Variants in USP24 observed in about 807,000 individuals in gnomAD.
USP24 encodes ubiquitin carboxyl-terminal hydrolase 24.
Under a neutral mutation model 361.6 loss-of-function variants are expected in USP24, and 97 were observed. The ratio of observed to expected loss-of-function variants is 0.27; its 90% CI spans 0.23 to 0.32. The LOEUF (loss-of-function observed/expected upper bound fraction) is 0.32. USP24 is among the 10% of genes least tolerant of loss of function. The probability of loss-of-function intolerance (pLI) is 1.00; values close to 1 mark genes in which losing one functional copy is unlikely to be tolerated. For missense variants in USP24, 2,353 were observed against 3,165.6 expected, an observed-to-expected ratio of 0.74 and a Z score of 6.16; for synonymous variants, 1,098 against 1,124.6, an observed-to-expected ratio of 0.98 and a Z score of 0.47.
At chr1:55,073,036 T>C in intron 64 of USP24, 175 bp from the exon 65 acceptor site, 1 of 613,540 alleles carries the variant, frequency 1.6e-6, no homozygotes, top group Non-Finnish European at 2.8e-6. Flanking sequence ...TACAATTGCT[T>C]CCCCCAGGGG....
rs2100389609 is a variant in USP24, at chr1:55,072,829, T to G, written c.7559A>C (p.Asn2520Thr). Residue 2520 changes from asparagine (N) to threonine (T), a missense_variant, in exon 65 of 68, where the codon AAT becomes ACT. Physicochemically the swap from Asn to Thr is moderately conservative, Grantham distance 65 (BLOSUM62 0). Around this residue, in one of 8 missense-constraint regions of USP24, gnomAD observed 598 missense variants for 761.9 expected, o/e 0.78. Transcript: ENST00000294383. ...CACAGCCCAGCTCCAGTGGTGGGAA[T>G]TCTCCTTGAAGTACTCCTTAGCTGC... ...CPAAKEYFKE[N>T]SHHWSWAVQW... is the part of the protein sequence containing the mutation. 1 of 1,608,220 alleles carries G rather than the reference T, an allele frequency of 6.2e-7. No homozygotes were observed. The highest frequency in any genetic ancestry group is 8.5e-7 in the Non-Finnish European group (1 of 1,177,282).
chr1:55,079,785 T>C (rs1645107704), intron 59 of USP24, 126 bp from the exon 60 acceptor site: 2 of 1,230,656 alleles, frequency 1.6e-6, no homozygotes, highest in South Asian at 1.8e-5. Context: ...CACAGAGTAC[T>C]CACACACTGA....
At chr1:55,207,112 C>T (rs1166117311) in intron 1 of USP24, among the ~76,000 whole-genome samples, 3 of 152,068 alleles carry the variant, frequency 2.0e-5, no homozygotes, top group East Asian at 3.9e-4. Context: ...CAGCCAAAAT[C>T]GCCTCGCTGC....
At position 55,200,940 on chromosome 1, in the gene USP24, G is replaced by A. The variant is rs149946293; in HGVS notation, c.324+13850C>T. Among the ~76,000 whole-genome samples the A allele has an allele frequency of 8.0e-4, 122 of 152,274 alleles. 3 individuals carry two copies. The East Asian group carries it at 0.022, about 28-fold the overall frequency. ...GCTAAAGAAAAAACATAAAGCAAAGGAAGTGGTGCAGAATACCAAAGTTCA... is the reference window on the plus strand; with the variant it reads ...GCTAAAGAAAAAACATAAAGCAAAGAAAGTGGTGCAGAATACCAAAGTTCA... On this transcript the variant is annotated intron_variant, in intron 1 of 67. Transcript: ENST00000294383.
intron 41 of USP24, 49 bp downstream of exon 41, chr1:55,106,097 T>C (rs1387372453): frequency 2.0e-6 from 3 of 1,464,572 alleles, no homozygotes; most frequent in Middle Eastern, 1.7e-4. Context: ...GACTGAAGTT[T>C]CAAATTAGAA....
chr1:55,212,423 C>T (rs1247830783), intron 1 of USP24, among the ~76,000 whole-genome samples: 1 of 152,126 alleles, frequency 6.6e-6, no homozygotes, highest in African/African-American at 2.4e-5. Context: ...CAGCCCCTGC[C>T]ACCCACTACA....
chr1:55,125,808 T>C (rs1299293886), intron 32 of USP24, 50 bp from the exon 33 acceptor site: 1 of 1,453,742 alleles, frequency 6.9e-7, no homozygotes, highest in Non-Finnish European at 9.3e-7. Flanking sequence ...CTATTTTTTT[T>C]CATTTTAAAT....
In USP24 at chr1:55,215,091, T is replaced by C. The variant is rs376590533; in HGVS notation, c.23A>G (p.His8Arg). The change falls in exon 1 of 68, where the codon CAC becomes CGC. Residue 8 changes from histidine to arginine, a missense_variant. Physicochemically the swap from His to Arg is conservative, Grantham distance 29 (BLOSUM62 0). Coordinates refer to ENST00000294383, the MANE Select transcript of USP24 (RefSeq NM_015306.3). Reference sequence around the variant, plus strand: ...GCCCATGCACAGCAGCGTGGTCATGTGCTGCTCCTCCTCCGATTCCATGGC... The same window carrying C: ...GCCCATGCACAGCAGCGTGGTCATGCGCTGCTCCTCCTCCGATTCCATGGC... MESEEEQ[H>R]MTTLLCMGFS... The C allele has an allele frequency of 2.4e-4, 317 of 1,331,640 alleles. No homozygotes were observed. The highest frequency in any genetic ancestry group is 2.9e-4 in the Non-Finnish European group (303 of 1,031,518). The allele number at this position is 1,331,640 out of a possible 1,614,324, so 82.5% of individuals were successfully genotyped here.
At position 55,072,303 on chromosome 1, in the gene USP24, G is replaced by A. The variant is rs773769296; in HGVS notation, c.7689+14C>T. 3.1e-6 allele frequency: 5 copies of A among 1,610,676 alleles called. No homozygotes were observed. Among genetic ancestry groups the A allele is most frequent in the Non-Finnish European group, 4.2e-6 (5 of 1,178,514 alleles). On this transcript the variant is annotated intron_variant, in intron 66 of 67. Transcript: ENST00000294383. ...AGTGATTTAGACCACGCAAAAACAA[G>A]AGACAACTCTCACCTGAGCTGAAAT...
At chr1:55,170,104 A>G (rs1259099295) in intron 5 of USP24, among the ~76,000 whole-genome samples, 1 of 152,180 alleles carries the variant, frequency 6.6e-6, no homozygotes, top group African/African-American at 2.4e-5. Context: ...ACAGAGGGAT[A>G]TGATATTAAA....
intron 39 of USP24, among the ~76,000 whole-genome samples, chr1:55,107,797 A>G (rs1350503731): frequency 7.7e-6 from 1 of 129,522 alleles, no homozygotes; most frequent in Non-Finnish European, 1.6e-5. Context: ...AGCTGAGATC[A>G]CGCCACTGTA....
intron 1 of USP24, among the ~76,000 whole-genome samples, chr1:55,186,965 TACAC>T (rs1380653255): frequency 6.6e-6 from 1 of 152,094 alleles, no homozygotes; most frequent in Non-Finnish European, 1.5e-5. Flanking sequence ...TATACAAAGA[TACAC>T]ACACCAAACC....
chr1:55,086,026 C>T lies in USP24; in HGVS notation c.6681G>A (p.Leu2227=). ...CTCGTACTTCTCTCACATTGCACTC[C>T]AGTAAGAAAATCCTGAAAGAAAGAG... ...EGRELIKIFL[L]ECNVREVRVA... is the part of the protein sequence containing the mutation. Residue 2227 remains leucine, a synonymous_variant, in exon 56 of 68, where the codon CTG becomes CTA. Transcript: ENST00000294383. 1 of 1,613,852 alleles carries T rather than the reference C, an allele frequency of 6.2e-7. No individual in the cohort carries two copies. The highest frequency in any genetic ancestry group is 8.5e-7 in the Non-Finnish European group (1 of 1,179,812).
At chr1:55,130,089 G>C (rs564862910) in intron 31 of USP24, among the ~76,000 whole-genome samples, 1 of 152,200 alleles carries the variant, frequency 6.6e-6, no homozygotes, top group Non-Finnish European at 1.5e-5. Flanking sequence ...AGGTCACGTG[G>C]TTAGAATTCA....
chr1:55,079,790 C>CCCTGAGT, intron 59 of USP24, 131 bp from the exon 60 acceptor site: 10 of 1,157,408 alleles, frequency 8.6e-6, no homozygotes, highest in Non-Finnish European at 1.0e-5. Flanking sequence ...AGTACTCACA[C>CCCTGAGT]ACTGAGTACT....
chr1:55,128,925 G>A (rs190471830), intron 32 of USP24, among the ~76,000 whole-genome samples: 42 of 151,550 alleles, frequency 2.8e-4, no homozygotes, highest in Non-Finnish European at 4.3e-4. Flanking sequence ...TCACTATGTC[G>A]CCCCGTACGA....
chr1:55,154,260 T>A lies in USP24; in HGVS notation c.1671A>T (p.Glu557Asp), dbSNP rs1237349431. 5.7e-5 allele frequency: 92 copies of A among 1,612,608 alleles called. No individual in the cohort carries two copies. Among genetic ancestry groups the A allele is most frequent in the Non-Finnish European group, 7.0e-5 (83 of 1,179,202 alleles). ...TSGKVLDVLWELAHLPTLPSS... is the reference protein window; with the variant it reads ...TSGKVLDVLWDLAHLPTLPSS... ...TGGGCAGGGTTGGAAGGTGAGCCAG[T>A]TCCCAGAGTACGTCTAAAACCTACA... Residue 557 changes from glutamate to aspartate, a missense_variant, in exon 15 of 68, where the codon GAA becomes GAT. Physicochemically the swap from Glu to Asp is conservative, Grantham distance 45. Transcript: ENST00000294383.
At chr1:55,205,469 T>C (rs1644681881) in intron 1 of USP24, among the ~76,000 whole-genome samples, 2 of 152,192 alleles carry the variant, frequency 1.3e-5, no homozygotes, top group Non-Finnish European at 2.9e-5. Context: ...GCCAGTTTTC[T>C]TAAAGCTAGA....
intron 1 of USP24, among the ~76,000 whole-genome samples, chr1:55,195,796 G>A (rs1490377383): frequency 6.6e-6 from 1 of 152,118 alleles, no homozygotes; most frequent in African/African-American, 2.4e-5. Context: ...TAGGGGGTAG[G>A]GGAAAGGAAA....
Sources: gnomAD v4.1 joint callset for allele counts (sites outside exome capture counted in the v4.1 genomes callset) on GRCh38, gnomAD v4.1.1 for gene constraint, gnomAD v4.1.1 regional missense constraint, MANE v1.5 for transcripts, NCBI Gene and HGNC (gene_info 2026-07-23, HGNC 2026-07-21) for gene names.